Variants in ITPR1 observed in about 807,000 individuals in gnomAD.
ITPR1 encodes inositol 1,4,5-trisphosphate-gated calcium channel ITPR1.
In ITPR1, 96 loss-of-function variants were observed where a neutral mutation model predicts 318.4. That is an observed-to-expected ratio of 0.30 (90% CI 0.26 to 0.36). The LOEUF is 0.36. Ranked by LOEUF, ITPR1 falls within the 10% of genes least tolerant of loss-of-function variation. The pLI is 1.00. For synonymous variants in ITPR1, 1,312 were observed against 1,289.9 expected (o/e 1.02, Z -0.37); for missense variants, 2,440 against 3,460.2 (o/e 0.71, Z 7.40).
chr3:4,668,369 G>T (rs938653709), intron 18 of ITPR1, among the ~76,000 whole-genome samples: 2 of 151,946 alleles, frequency 1.3e-5, no homozygotes, highest in Non-Finnish European at 2.9e-5. Flanking sequence ...AAGATGCGAT[G>T]TTTGTCTTTC....
At chr3:4,508,609 A>G (rs1197209917) in intron 2 of ITPR1, among the ~76,000 whole-genome samples, 1 of 152,132 alleles carries the variant, frequency 6.6e-6, no homozygotes, top group African/African-American at 2.4e-5. Context: ...AAAAAAAAAA[A>G]TTCCAAACCT....
At chr3:4,746,708 A>T (rs868253761) in intron 44 of ITPR1, among the ~76,000 whole-genome samples, 12 of 152,342 alleles carry the variant, frequency 7.9e-5, no homozygotes, top group Non-Finnish European at 1.0e-4. Context: ...GTACATGATG[A>T]ATCAGTGTGG....
At position 4,815,171 on chromosome 3, in the gene ITPR1, A is replaced by G; in HGVS notation, c.7820A>G (p.Glu2607Gly). The change falls in exon 59 of 62, where the codon GAG becomes GGG. Residue 2607 changes from glutamate to glycine, a missense_variant. Physicochemically the swap from Glu to Gly is moderately conservative, Grantham distance 98. Around this residue, in one of 23 missense-constraint regions of ITPR1, gnomAD observed 72 missense variants for 197.7 expected, o/e 0.36. Transcript: ENST00000649015. ...GACACTTTTGCTGACCTGAGGAGTG[A>G]GAAGCAGAAGAAGGAAGAGATCTTG... Reference protein sequence around the residue: ...IIDTFADLRSEKQKKEEILKT... With the variant: ...IIDTFADLRSGKQKKEEILKT... 6.2e-7 allele frequency: 1 copy of G among 1,613,954 alleles called. No homozygotes were observed. Among genetic ancestry groups the G allele is most frequent in the Non-Finnish European group, 8.5e-7 (1 of 1,179,838 alleles).
chr3:4,708,033 C>A (rs537329170), intron 37 of ITPR1, among the ~76,000 whole-genome samples: 1 of 151,908 alleles, frequency 6.6e-6, no homozygotes, highest in Admixed American at 6.6e-5. Flanking sequence ...AAGTGAGGAG[C>A]GCTTGAAAGA....
chr3:4,705,791 A>G (rs1363260831), intron 36 of ITPR1, among the ~76,000 whole-genome samples: 1 of 152,234 alleles, frequency 6.6e-6, no homozygotes, highest in Non-Finnish European at 1.5e-5. Context: ...CCTGAAAAAT[A>G]ACTAGCAAAT....
At chr3:4,615,158 C>G (rs1442810283) in intron 4 of ITPR1, among the ~76,000 whole-genome samples, 3 of 152,138 alleles carry the variant, frequency 2.0e-5, no homozygotes, top group East Asian at 1.9e-4. Context: ...TGACACTTCT[C>G]CACATTGCTC....
At chr3:4,556,115 TTTATTA>T (rs1391509449) in intron 4 of ITPR1, among the ~76,000 whole-genome samples, 4 of 152,140 alleles carry the variant, frequency 2.6e-5, no homozygotes. Context: ...GTTAAAAAAC[TTTATTA>T]TTATTATTGT....
At chr3:4,621,824 A>C (rs1166190845) in intron 4 of ITPR1, among the ~76,000 whole-genome samples, 1 of 152,188 alleles carries the variant, frequency 6.6e-6, no homozygotes, top group Non-Finnish European at 1.5e-5. Flanking sequence ...GCTTGGCCCG[A>C]GTTTTATGAA....
chr3:4,801,009 T>C (rs2048194581), intron 54 of ITPR1, among the ~76,000 whole-genome samples: 1 of 152,020 alleles, frequency 6.6e-6, no homozygotes, highest in Non-Finnish European at 1.5e-5. Context: ...AAAGAGGGGA[T>C]AGGTAAGAGG....
At chr3:4,589,137 A>G (rs545367191) in intron 4 of ITPR1, among the ~76,000 whole-genome samples, 1 of 152,314 alleles carries the variant, frequency 6.6e-6, no homozygotes, top group Non-Finnish European at 1.5e-5. Flanking sequence ...AGCCTGGGCA[A>G]CATAGTGAAA....
rs1012703484 is a variant in ITPR1 at position 4,641,727 on chromosome 3, C to A, written c.367-366C>A. ...GTGCTCAGAGTGGCCTTCCTCAGCT[C>A]CACCTTTGTGTCAGGGCATGCCACA... is the stretch of plus-strand genomic sequence containing the variant. On this transcript the variant is annotated intron_variant, in intron 6 of 61. Coordinates refer to ENST00000649015, the MANE Select transcript of ITPR1 (RefSeq NM_001378452.1). 7.9e-5 allele frequency among the ~76,000 whole-genome samples: 12 copies of A among 152,326 alleles called. 1 individual carries two copies. The highest frequency in any genetic ancestry group is 1.9e-4 in the East Asian group (1 of 5,190).
intron 12 of ITPR1, 94 bp downstream of exon 12, chr3:4,653,980 A>G: frequency 1.1e-6 from 1 of 876,224 alleles, no homozygotes; most frequent in South Asian, 1.5e-5. Flanking sequence ...GTGGTCACGG[A>G]GTGCTGGGGA....
At chr3:4,503,816 C>A (rs150788887) in intron 2 of ITPR1, among the ~76,000 whole-genome samples, 4 of 152,232 alleles carry the variant, frequency 2.6e-5, no homozygotes, top group African/African-American at 9.6e-5. Flanking sequence ...GGATATTGAC[C>A]TAACTTCATT....
At chr3:4,539,279 G>C (rs2084183277) in intron 4 of ITPR1, among the ~76,000 whole-genome samples, 1 of 151,980 alleles carries the variant, frequency 6.6e-6, no homozygotes, top group South Asian at 2.1e-4. Flanking sequence ...TTGTGTGTTG[G>C]TCAGATAATA....
rs1350673578 is a variant in ITPR1 at position 4,673,344 on chromosome 3, G to A, written c.2413G>A (p.Ala805Thr). Residue 805 changes from alanine (A) to threonine (T), a missense_variant, in exon 21 of 62, where the codon GCC (alanine) becomes ACC (threonine). Physicochemically the swap from Ala to Thr is moderately conservative, Grantham distance 58 (BLOSUM62 0). This residue lies in a region of ITPR1 where 478 missense variants were observed against 696.3 expected (regional missense o/e 0.69). Coordinates refer to ENST00000649015, the MANE Select transcript of ITPR1 (RefSeq NM_001378452.1). ...GGAACAAGTCACCCCCGTGAAATATGCCCGCCTCTGGTCGGAGATTCCCTC... is the reference window on the plus strand; with the variant it reads ...GGAACAAGTCACCCCCGTGAAATATACCCGCCTCTGGTCGGAGATTCCCTC... The part of the protein sequence containing the change: ...PQEQVTPVKY[A>T]RLWSEIPSEI... The A allele has an allele frequency of 6.2e-7, 1 of 1,611,474 alleles. No individual in the cohort carries two copies. The highest frequency in any genetic ancestry group is 1.3e-5 in the African/African-American group (1 of 74,872).
chr3:4,831,591 G>A (rs566427979), intron 60 of ITPR1, among the ~76,000 whole-genome samples: 1 of 152,194 alleles, frequency 6.6e-6, no homozygotes, highest in South Asian at 2.1e-4. Context: ...CACACCCCAA[G>A]ATAATTCACA....
intron 3 of ITPR1, among the ~76,000 whole-genome samples, chr3:4,520,579 AG>A (rs1186834395): frequency 6.6e-6 from 1 of 151,834 alleles, no homozygotes; most frequent in African/African-American, 2.4e-5. Context: ...CTTCTCTTAC[AG>A]CCCTTAGATT....
intron 54 of ITPR1, among the ~76,000 whole-genome samples, chr3:4,801,116 C>T (rs1318808891): frequency 6.6e-6 from 1 of 152,174 alleles, no homozygotes; most frequent in Non-Finnish European, 1.5e-5. Flanking sequence ...AATGCTGTTT[C>T]ACTACCATTG....
intron 2 of ITPR1, among the ~76,000 whole-genome samples, chr3:4,498,234 CATG>C (rs2080752928): frequency 6.6e-6 from 1 of 152,126 alleles, no homozygotes; most frequent in African/African-American, 2.4e-5. Context: ...AGCAACAAAA[CATG>C]ATGAGGGGTA....
Sources: gnomAD v4.1 joint callset for allele counts (sites outside exome capture counted in the v4.1 genomes callset) on GRCh38, gnomAD v4.1.1 for gene constraint, gnomAD v4.1.1 regional missense constraint, MANE v1.5 for transcripts, NCBI Gene and HGNC (gene_info 2026-07-23, HGNC 2026-07-21) for gene names.